Variants in NSMCE2 observed in about 807,000 individuals in gnomAD.
NSMCE2 encodes the protein NSE2 SUMO ligase component of SMC5/6 complex.
In NSMCE2, 24 loss-of-function variants were observed where a neutral mutation model predicts 23.8. That is an observed-to-expected ratio of 1.01 (90% CI 0.73 to 1.42). The LOEUF (loss-of-function observed/expected upper bound fraction) is 1.42, where lower values mean the gene tolerates loss of function less well. Ranked by LOEUF, NSMCE2 falls within the 40% of genes most tolerant of loss-of-function variation. NSMCE2 has a pLI of 0.00. For missense variants in NSMCE2, 284 were observed against 296.5 expected, an observed-to-expected ratio of 0.96 and a Z score of 0.31; for synonymous variants, 92 against 94.1, an observed-to-expected ratio of 0.98 and a Z score of 0.13.
At chr8:125,351,813 C>A (rs1225392418) in intron 5 of NSMCE2, among the ~76,000 whole-genome samples, 1 of 151,790 alleles carries the variant, frequency 6.6e-6, no homozygotes, top group South Asian at 2.1e-4. Context: ...GAGTTCGATA[C>A]CAGCCTGGCC....
At chr8:125,349,670 G>A (rs1000772795) in intron 5 of NSMCE2, among the ~76,000 whole-genome samples, 5 of 152,050 alleles carry the variant, frequency 3.3e-5, no homozygotes, top group Non-Finnish European at 5.9e-5. Context: ...TTCCCAGCTG[G>A]CATAAAACTT....
intron 5 of NSMCE2, among the ~76,000 whole-genome samples, chr8:125,259,050 G>C (rs1047587105): frequency 7.9e-5 from 12 of 152,166 alleles, no homozygotes; most frequent in African/African-American, 2.9e-4. Context: ...TTACAGGCAT[G>C]CACTATCACA....
chr8:125,366,092 G>T (rs1384218241), intron 7 of NSMCE2, among the ~76,000 whole-genome samples: 2 of 152,040 alleles, frequency 1.3e-5, no homozygotes, highest in Non-Finnish European at 2.9e-5. Context: ...AGATGTGTTC[G>T]GTGAGGCATG....
chr8:125,304,756 C>T (rs542822936), intron 5 of NSMCE2, among the ~76,000 whole-genome samples: 9 of 151,882 alleles, frequency 5.9e-5, no homozygotes, highest in African/African-American at 2.2e-4. Flanking sequence ...GCTTGGGAGA[C>T]TGAGGCATCA....
At chr8:125,247,365 A>C (rs1176224913) in intron 5 of NSMCE2, among the ~76,000 whole-genome samples, 1 of 152,066 alleles carries the variant, frequency 6.6e-6, no homozygotes, top group African/African-American at 2.4e-5. Flanking sequence ...TTCCACTAAA[A>C]CCACATATAG....
intron 1 of NSMCE2, among the ~76,000 whole-genome samples, chr8:125,093,421 G>A (rs566563979): frequency 2.0e-5 from 3 of 152,314 alleles, no homozygotes; most frequent in Admixed American, 6.5e-5. Context: ...TGGCACAGTG[G>A]CTTATGCCTG....
chr8:125,232,202 A>G (rs1263050198), intron 5 of NSMCE2, among the ~76,000 whole-genome samples: 2 of 152,126 alleles, frequency 1.3e-5, no homozygotes, highest in Non-Finnish European at 2.9e-5. Flanking sequence ...CTGTACTAAA[A>G]ATACAAAAAA....
At chr8:125,264,829 GA>G (rs945408298) in intron 5 of NSMCE2, among the ~76,000 whole-genome samples, 1 of 152,084 alleles carries the variant, frequency 6.6e-6, no homozygotes, top group Non-Finnish European at 1.5e-5. Flanking sequence ...TAATAATACT[GA>G]AAAATGGCCT....
intron 4 of NSMCE2, among the ~76,000 whole-genome samples, chr8:125,153,989 T>C (rs1427456503): frequency 1.3e-5 from 2 of 152,220 alleles, no homozygotes; most frequent in Non-Finnish European, 2.9e-5. Flanking sequence ...CTTAAATTAT[T>C]GCACAAGGTG....
chr8:125,138,424 CT>C (rs1294726111), intron 3 of NSMCE2, among the ~76,000 whole-genome samples: 1 of 151,742 alleles, frequency 6.6e-6, no homozygotes, highest in East Asian at 1.9e-4. Context: ...TGGGGTCATG[CT>C]TTGTTGCCCA....
chr8:125,178,964 G>C (rs528560420), intron 4 of NSMCE2, among the ~76,000 whole-genome samples: 74 of 152,304 alleles, frequency 4.9e-4, no homozygotes, highest in African/African-American at 1.7e-3. Context: ...TTTGGACACA[G>C]ACCTGTGTAG....
chr8:125,326,921 A>C (rs1439120015), intron 5 of NSMCE2, among the ~76,000 whole-genome samples: 1 of 149,636 alleles, frequency 6.7e-6, no homozygotes, highest in Non-Finnish European at 1.5e-5. Context: ...TCGCCACTGC[A>C]CTCCAGCCTG....
intron 5 of NSMCE2, among the ~76,000 whole-genome samples, chr8:125,344,574 C>A (rs62521017): frequency 0.022 from 3,407 of 152,064 alleles, 67 homozygotes; most frequent in Non-Finnish European, 0.035. Context: ...GAAACCCCGT[C>A]TCTACCAAAA....
In NSMCE2 at chr8:125,312,349, G is replaced by A. The variant is rs140551087; in HGVS notation, c.419-44870G>A. 3.4e-3 allele frequency among the ~76,000 whole-genome samples: 523 copies of A among 152,216 alleles called. 1 individual carries two copies. The highest frequency in any genetic ancestry group is 0.012 in the African/African-American group (493 of 41,536). ...CTTTTATAAATGTGTATTGTGGCCG[G>A]GCATGGTGGCTCATGCCTGTAATCT... On this transcript the variant is annotated intron_variant, in intron 5 of 7. Coordinates refer to ENST00000287437, the MANE Select transcript of NSMCE2 (RefSeq NM_173685.4).
At chr8:125,187,884 T>C (rs1823176012) in intron 5 of NSMCE2, among the ~76,000 whole-genome samples, 2 of 152,218 alleles carry the variant, frequency 1.3e-5, no homozygotes, top group African/African-American at 4.8e-5. Context: ...TCATATTATC[T>C]TTTAATGAAA....
chr8:125,264,934 A>G (rs1159614393), intron 5 of NSMCE2, among the ~76,000 whole-genome samples: 3 of 152,160 alleles, frequency 2.0e-5, no homozygotes, highest in Non-Finnish European at 4.4e-5. Flanking sequence ...TATTGTTAGT[A>G]CTATACAAAT....
At chr8:125,272,836 CACACGTATAT>C (rs1320961554) in intron 5 of NSMCE2, among the ~76,000 whole-genome samples, 1 of 66,948 alleles carries the variant, frequency 1.5e-5, no homozygotes, top group Non-Finnish European at 2.9e-5. Context: ...CATATATATA[CACACGTATAT>C]ACACACACAC....
chr8:125,096,634 CTTTTTTT>C (rs34656029), intron 1 of NSMCE2, among the ~76,000 whole-genome samples: 3 of 80,436 alleles, frequency 3.7e-5, no homozygotes, highest in African/African-American at 1.6e-4. Flanking sequence ...GTGTGGAATC[CTTTTTTT>C]TTTTTTTTTT....
intron 5 of NSMCE2, among the ~76,000 whole-genome samples, chr8:125,211,189 T>G (rs181775419): frequency 1.3e-5 from 2 of 152,352 alleles, no homozygotes; most frequent in Non-Finnish European, 2.9e-5. Flanking sequence ...AAAGGTTTTA[T>G]CTTTTTTATT....
Sources: gnomAD v4.1 joint callset for allele counts (sites outside exome capture counted in the v4.1 genomes callset) on GRCh38, gnomAD v4.1.1 for gene constraint, MANE v1.5 for transcripts, NCBI Gene and HGNC (gene_info 2026-07-23, HGNC 2026-07-21) for gene names.